PLCZ1: variants seen among roughly 807,000 people sequenced by gnomAD.
PLCZ1 encodes phospholipase C zeta 1, also known as 1-phosphatidylinositol 4,5-bisphosphate phosphodiesterase zeta-1.
Under a neutral mutation model 76.8 loss-of-function variants are expected in PLCZ1, and 64 were observed. The observed-to-expected ratio is 0.83, with a 90% CI of 0.68 to 1.03. The LOEUF is 1.03. PLCZ1 is among the 50% of genes least tolerant of loss of function. PLCZ1 has a pLI of 0.00. For synonymous variants in PLCZ1, 248 were observed against 230.8 expected, an observed-to-expected ratio of 1.07 and a Z score of -0.68; for missense variants, 751 against 713.7, an observed-to-expected ratio of 1.05 and a Z score of -0.60.
At chr12:18,689,344 A>C (rs1953705398) in intron 12 of PLCZ1, among the ~76,000 whole-genome samples, 1 of 152,212 alleles carries the variant, frequency 6.6e-6, no homozygotes, top group Non-Finnish European at 1.5e-5. Context: ...AATTTAGGGC[A>C]AGCTTGTCCA....
rs77546380 is a variant in PLCZ1, at chr12:18,717,518, T to A, written c.569+1913A>T. 8.8e-3 allele frequency among the ~76,000 whole-genome samples: 1,341 copies of A among 152,294 alleles called. 23 individuals are homozygous for A. The highest frequency in any genetic ancestry group is 0.03 in the African/African-American group (1,265 of 41,546). On this transcript the variant is annotated intron_variant, in intron 5 of 14. Coordinates refer to ENST00000266505, the MANE Select transcript of PLCZ1 (RefSeq NM_033123.4). Reference sequence around the variant, plus strand: ...ATATGCTGATGACTTCCAATTCTGTTTTTCCAGTCTGATAACTTCTGAATT... The same window carrying A: ...ATATGCTGATGACTTCCAATTCTGTATTTCCAGTCTGATAACTTCTGAATT...
At chr12:18,683,902 A>G (rs571665396) in intron 14 of PLCZ1, among the ~76,000 whole-genome samples, 3 of 152,050 alleles carry the variant, frequency 2.0e-5, no homozygotes, top group East Asian at 1.9e-4. Flanking sequence ...ATGCTTATAC[A>G]TGCCAAGTTT....
At chr12:18,655,151 G>A in the PLCZ1 span, among the ~76,000 whole-genome samples, 1 of 152,090 alleles carries the variant, frequency 6.6e-6, no homozygotes, top group Non-Finnish European at 1.5e-5. Context: ...AAGCTAAGAA[G>A]AGAAAGGGTT....
chr12:18,650,293 TTCTCTCTCTCTCTCTC>T, the PLCZ1 span, among the ~76,000 whole-genome samples: 2,403 of 87,728 alleles, frequency 0.027, 38 homozygotes, highest in Middle Eastern at 0.058. Flanking sequence ...TAACCCAAAT[TTCTCTCTCTCTCTCTC>T]TCTCTCTCTC....
intron 10 of PLCZ1, among the ~76,000 whole-genome samples, chr12:18,699,041 TTC>T: frequency 6.6e-6 from 1 of 152,302 alleles, no homozygotes; most frequent in Non-Finnish European, 1.5e-5. Context: ...CTTCTTTCTA[TTC>T]TCTTTCTCAG....
At position 18,701,855 on chromosome 12, in the gene PLCZ1, C is replaced by T. The variant is rs1257097275; in HGVS notation, c.865-79G>A. ...GTAACAGTCACTGAAAAGTGTTTCACTATATTTCCAATTAGCCTACAGTAA... is the reference window on the plus strand; with the variant it reads ...GTAACAGTCACTGAAAAGTGTTTCATTATATTTCCAATTAGCCTACAGTAA... On this transcript the variant is annotated intron_variant, in intron 7 of 14. Transcript: ENST00000266505. 11 of 1,527,148 alleles carry T rather than the reference C, an allele frequency of 7.2e-6. No individual in the cohort carries two copies. The Admixed American group carries it at 8.2e-5, about 11-fold the overall frequency. The allele number at this position is 1,527,148 out of a possible 1,614,324, so 94.6% of individuals were successfully genotyped here.
the PLCZ1 span, among the ~76,000 whole-genome samples, chr12:18,646,608 G>A: frequency 1.8e-4 from 28 of 152,224 alleles, 1 homozygote; most frequent in African/African-American, 6.7e-4. Flanking sequence ...TCAGAGGGCT[G>A]CCCTCTCAAG....
chr12:18,687,101 C>T (rs907479105), intron 13 of PLCZ1, among the ~76,000 whole-genome samples: 1 of 152,026 alleles, frequency 6.6e-6, no homozygotes, highest in Admixed American at 6.6e-5. Context: ...TAAAGGGTGT[C>T]AAATGAGGCA....
intron 5 of PLCZ1, chr12:18,714,638 G>A (rs1407371461): frequency 1.3e-5 from 2 of 152,130 alleles, no homozygotes; most frequent in African/African-American, 4.8e-5. Context: ...TAGAAAACCA[G>A]TAAGTACATT....
intron 4 of PLCZ1, among the ~76,000 whole-genome samples, chr12:18,723,022 T>A (rs1958537628): frequency 6.6e-6 from 1 of 152,042 alleles, no homozygotes; most frequent in East Asian, 1.9e-4. Context: ...AGAATCATTG[T>A]CTTACTTTCA....
chr12:18,669,497 C>T, the PLCZ1 span, among the ~76,000 whole-genome samples: 34 of 152,224 alleles, frequency 2.2e-4, no homozygotes, highest in East Asian at 2.3e-3. Flanking sequence ...ACCATAGACT[C>T]GGTGGCTTAA....
the PLCZ1 span, among the ~76,000 whole-genome samples, chr12:18,660,931 G>A: frequency 0.4 from 60,091 of 151,826 alleles, 14,039 homozygotes; most frequent in South Asian, 0.59. Flanking sequence ...AACAAAGCAT[G>A]AACAAAATAA....
chr12:18,694,986 T>C lies in PLCZ1; in HGVS notation c.1385A>G (p.His462Arg), dbSNP rs1055494413. 1 of 1,609,678 alleles carries C rather than the reference T, an allele frequency of 6.2e-7. No homozygotes were observed. The highest frequency in any genetic ancestry group is 8.5e-7 in the Non-Finnish European group (1 of 1,176,294). Residue 462 changes from histidine (H) to arginine (R), a missense_variant, in exon 12 of 15, where the codon CAT becomes CGT. His to Arg is a conservative substitution (Grantham distance 29, BLOSUM62 0). Coordinates refer to ENST00000266505, the MANE Select transcript of PLCZ1 (RefSeq NM_033123.4). ...NGGSGYILKPHFLRESKSYFN... is the reference protein window; with the variant it reads ...NGGSGYILKPRFLRESKSYFN... ...GTATGATTTACTCTCTCTTAAGAAATGTGGTTTCAAAATATATCCAGAACC... is the reference window on the plus strand; with the variant it reads ...GTATGATTTACTCTCTCTTAAGAAACGTGGTTTCAAAATATATCCAGAACC...
chr12:18,646,991 T>G, the PLCZ1 span, among the ~76,000 whole-genome samples: 1 of 151,982 alleles, frequency 6.6e-6, no homozygotes, highest in Admixed American at 6.6e-5. Context: ...GAATAAGTGA[T>G]TATATATAGA....
chr12:18,670,294 G>GCACA, the PLCZ1 span, among the ~76,000 whole-genome samples: 6 of 150,324 alleles, frequency 4.0e-5, no homozygotes, highest in African/African-American at 7.3e-5. Flanking sequence ...ACACATATGC[G>GCACA]CACACACACA....
At chr12:18,685,645 C>G (rs1236274707) in intron 13 of PLCZ1, 1 of 516,610 alleles carries the variant, frequency 1.9e-6, no homozygotes, top group Non-Finnish European at 3.9e-6. Context: ...GAATAATGAC[C>G]ATATTACCTT....
the PLCZ1 span, chr12:18,647,820 AAG>A: frequency 9.4e-7 from 1 of 1,063,894 alleles, no homozygotes; most frequent in Non-Finnish European, 1.3e-6. Context: ...ATACTCAAAA[AAG>A]AGATGTATTT....
At chr12:18,737,692 C>T (rs1019894422) in intron 1 of PLCZ1, 183 bp from the exon 2 acceptor site, 1 of 482,772 alleles carries the variant, frequency 2.1e-6, no homozygotes. Flanking sequence ...ACAGCTTTCC[C>T]TGATGTCTGG....
Position 18,696,178 on chromosome 12 carries a change from T to G in PLCZ1, c.1263A>C (p.Gln421His). 1 of 1,580,946 alleles carries G rather than the reference T, an allele frequency of 6.3e-7. No individual in the cohort carries two copies. Among genetic ancestry groups the G allele is most frequent in the South Asian group, 1.1e-5 (1 of 89,588 alleles). ...TRADSSNFNP[Q>H]EFWNIGCQMV... ...TTTGACAACCTATATTCCAAAATTCTTGGGGATTAAAATTAGAAGAGTCTG... is the reference window on the plus strand; with the variant it reads ...TTTGACAACCTATATTCCAAAATTCGTGGGGATTAAAATTAGAAGAGTCTG... The change falls in exon 11 of 15, where the codon CAA (glutamine) becomes CAC (histidine). Residue 421 changes from glutamine (Q) to histidine (H), a missense_variant. Coordinates refer to ENST00000266505, the MANE Select transcript of PLCZ1 (RefSeq NM_033123.4).
Sources: gnomAD v4.1 joint callset for allele counts (sites outside exome capture counted in the v4.1 genomes callset) on GRCh38, gnomAD v4.1.1 for gene constraint, MANE v1.5 for transcripts, NCBI Gene and HGNC (gene_info 2026-07-23, HGNC 2026-07-21) for gene names.